The following PLXNA4 variants were observed in gnomAD, a reference collection of about 807,000 sequenced individuals.
PLXNA4 encodes plexin A4, also known as plexin-A4.
Under a neutral mutation model 191.8 loss-of-function variants are expected in PLXNA4, and 44 were observed. The observed-to-expected ratio is 0.23, with a 90% CI of 0.18 to 0.29. PLXNA4 has a LOEUF of 0.29. Ranked by LOEUF, PLXNA4 falls within the 10% of genes least tolerant of loss-of-function variation. The pLI is 1.00. For synonymous variants in PLXNA4, 1,082 were observed against 1,009.5 expected (o/e 1.07, Z -1.36); for missense variants, 1,800 against 2,488.8 (o/e 0.72, Z 5.89).
chr7:132,399,978 T>C (rs955989773), intron 3 of PLXNA4, among the ~76,000 whole-genome samples: 1 of 152,188 alleles, frequency 6.6e-6, no homozygotes, highest in African/African-American at 2.4e-5. Flanking sequence ...GTGACCTTTG[T>C]GATCAGATGG....
chr7:132,329,993 C>T (rs1214218933), intron 3 of PLXNA4, among the ~76,000 whole-genome samples: 2 of 152,168 alleles, frequency 1.3e-5, no homozygotes, highest in African/African-American at 2.4e-5. Flanking sequence ...TCTTTAGAAG[C>T]GTGCTCTCCG....
intron 2 of PLXNA4, among the ~76,000 whole-genome samples, chr7:132,614,395 A>ATAG (rs2116858115): frequency 6.6e-6 from 1 of 152,358 alleles, no homozygotes; most frequent in South Asian, 2.1e-4. Flanking sequence ...GTCTAGTGCC[A>ATAG]TAGCGGGAGT....
At chr7:132,211,285 C>T in intron 9 of PLXNA4, 142 bp from the exon 10 acceptor site, 3 of 798,144 alleles carry the variant, frequency 3.8e-6, no homozygotes, top group African/African-American at 1.7e-5. Context: ...TCGTGCCCAC[C>T]CAGTGGGCAA....
intron 3 of PLXNA4, among the ~76,000 whole-genome samples, chr7:132,465,075 C>T (rs898734480): frequency 6.6e-6 from 1 of 152,276 alleles, no homozygotes; most frequent in Admixed American, 6.5e-5. Context: ...CTGGAAGTTT[C>T]CCTCCCTCCT....
chr7:132,548,414 G>A (rs192212584), intron 1 of PLXNA4, among the ~76,000 whole-genome samples: 353 of 152,224 alleles, frequency 2.3e-3, no homozygotes, highest in Non-Finnish European at 4.4e-3. Flanking sequence ...GTATTTGGGG[G>A]TTTTGCTTGT....
chr7:132,228,265 G>C, intron 6 of PLXNA4, 81 bp downstream of exon 6: 6 of 1,581,504 alleles, frequency 3.8e-6, no homozygotes, highest in South Asian at 1.2e-5. Context: ...CTCCAGAGGG[G>C]CCTTGGGCTA....
At chr7:132,349,967 A>C (rs181376378) in intron 3 of PLXNA4, among the ~76,000 whole-genome samples, 8 of 152,190 alleles carry the variant, frequency 5.3e-5, no homozygotes, top group Non-Finnish European at 1.0e-4. Context: ...GGAGGCATAC[A>C]CATTAGGACC....
At chr7:132,341,233 C>A (rs1003554802) in intron 3 of PLXNA4, among the ~76,000 whole-genome samples, 31 of 152,124 alleles carry the variant, frequency 2.0e-4, no homozygotes, top group African/African-American at 7.5e-4. Flanking sequence ...GAAACAATAG[C>A]AACATGAAGG....
At chr7:132,453,808 G>C (rs1796217283) in intron 3 of PLXNA4, among the ~76,000 whole-genome samples, 1 of 152,170 alleles carries the variant, frequency 6.6e-6, no homozygotes. Context: ...CCAAAGTGCT[G>C]GGATTATAGG....
intron 2 of PLXNA4, among the ~76,000 whole-genome samples, chr7:132,618,492 A>T (rs79530154): frequency 0.035 from 5,374 of 152,314 alleles, 307 homozygotes; most frequent in African/African-American, 0.12. Flanking sequence ...ACAAATGATT[A>T]TGTGAAAAGA....
intron 1 of PLXNA4, among the ~76,000 whole-genome samples, chr7:132,562,296 CTCCTTCTCCTCTTCCTCCTCT>C (rs1801210316): frequency 7.7e-6 from 1 of 130,356 alleles, no homozygotes; most frequent in African/African-American, 3.2e-5. Flanking sequence ...CCTCCTTCTC[CTCCTTCTCCTCTTCCTCCTCT>C]TCCTCCTCCT....
At position 132,148,616 on chromosome 7, in the gene PLXNA4, A is replaced by T. The variant is rs180750520; in HGVS notation, c.4691T>A (p.Ile1564Asn). The change falls in exon 26 of 32, where the codon ATC becomes AAC. Residue 1564 changes from isoleucine (I) to asparagine (N), a missense_variant. Physicochemically the swap from Ile to Asn is moderately radical, Grantham distance 149. Coordinates refer to ENST00000321063, the MANE Select transcript of PLXNA4 (RefSeq NM_020911.2). ...GGTGGTGATGTCTTCATCCTGCAAG[A>T]TCATCCTTGCCCCACTTCCTTGTCG... The part of the protein sequence containing the change: ...EWRQGSGARM[I>N]LQDEDITTKI... 1 of 1,614,080 alleles carries T rather than the reference A, an allele frequency of 6.2e-7. No homozygotes were observed. The highest frequency in any genetic ancestry group is 8.5e-7 in the Non-Finnish European group (1 of 1,180,010).
At chr7:132,550,679 T>C (rs193251344) in intron 1 of PLXNA4, among the ~76,000 whole-genome samples, 44 of 152,324 alleles carry the variant, frequency 2.9e-4, no homozygotes, top group African/African-American at 9.9e-4. Flanking sequence ...CCTCAAGGCT[T>C]CTGTCTGACA....
chr7:132,144,468 C>G (rs1795361401), intron 29 of PLXNA4, among the ~76,000 whole-genome samples: 1 of 152,176 alleles, frequency 6.6e-6, no homozygotes, highest in Non-Finnish European at 1.5e-5. Flanking sequence ...CCTGTTGTCT[C>G]AAAGGAAGAC....
At chr7:132,549,358 G>A (rs1254094920) in intron 1 of PLXNA4, among the ~76,000 whole-genome samples, 1 of 152,020 alleles carries the variant, frequency 6.6e-6, no homozygotes, top group African/African-American at 2.4e-5. Context: ...ATTTCCCCTC[G>A]TACAAAATAT....
rs2116796878 is a variant in PLXNA4, at chr7:132,576,219, G to A, written c.-87+203C>T. ...TCCCTGCTCCGGCCGCTGCACCTCC[G>A]CGGGCGTCCAGGTGGGACGTGGGCA... On this transcript the variant is annotated intron_variant, in intron 1 of 31. Transcript: ENST00000321063. The surrounding 1 kb of genome is among the most constrained non-coding windows in gnomAD (Gnocchi z 5.8). Among the ~76,000 whole-genome samples, 1 of 152,346 alleles carries A rather than the reference G, an allele frequency of 6.6e-6. No individual in the cohort carries two copies. The highest frequency in any genetic ancestry group is 1.5e-5 in the Non-Finnish European group (1 of 68,030).
intron 3 of PLXNA4, chr7:132,384,887 T>C (rs1330869323): frequency 9.2e-6 from 11 of 1,201,208 alleles, no homozygotes; most frequent in Non-Finnish European, 2.1e-6. Flanking sequence ...GATGGGAGAA[T>C]CAGTTAGTTT....
intron 3 of PLXNA4, among the ~76,000 whole-genome samples, chr7:132,474,636 A>ACGCG (rs138304333): frequency 6.6e-6 from 1 of 151,664 alleles, no homozygotes; most frequent in South Asian, 2.1e-4. Context: ...ACACACACAC[A>ACGCG]CGCGCGCGCA....
intron 3 of PLXNA4, among the ~76,000 whole-genome samples, chr7:132,343,457 C>A (rs1265510873): frequency 6.6e-6 from 1 of 152,178 alleles, no homozygotes; most frequent in Non-Finnish European, 1.5e-5. Context: ...TCTGGAAAGT[C>A]TTTTTCCAAT....
Sources: gnomAD v4.1 joint callset for allele counts (sites outside exome capture counted in the v4.1 genomes callset) on GRCh38, gnomAD v4.1.1 for gene constraint, Gnocchi (gnomAD v3.1) non-coding constraint, MANE v1.5 for transcripts, NCBI Gene and HGNC (gene_info 2026-07-23, HGNC 2026-07-21) for gene names.